Variants in GRAMD1B observed in about 807,000 individuals in gnomAD.
GRAMD1B encodes the protein protein Aster-B.
Under a neutral mutation model 99.7 loss-of-function variants are expected in GRAMD1B, and 37 were observed. That is an observed-to-expected ratio of 0.37 (90% CI 0.29 to 0.49). The LOEUF is 0.49. Ranked by LOEUF, GRAMD1B falls within the 20% of genes least tolerant of loss-of-function variation. GRAMD1B has a pLI of 0.98. For missense variants in GRAMD1B, 888 were observed against 1,009.2 expected (o/e 0.88, Z 1.63); for synonymous variants, 427 against 387.6 (o/e 1.10, Z -1.19).
intron 1 of GRAMD1B, among the ~76,000 whole-genome samples, chr11:123,417,190 T>C (rs1008212517): frequency 6.6e-6 from 1 of 152,006 alleles, no homozygotes. Context: ...CTGGCCAACA[T>C]GGTGAAACCC....
intron 1 of GRAMD1B, among the ~76,000 whole-genome samples, chr11:123,467,403 T>TTTTA (rs1950739339): frequency 7.8e-6 from 1 of 128,630 alleles, no homozygotes; most frequent in Admixed American, 8.2e-5. Flanking sequence ...CCTTTTTTTT[T>TTTTA]TTTTTTTTTT....
At chr11:123,556,540 G>A (rs1339584766) in intron 2 of GRAMD1B, among the ~76,000 whole-genome samples, 1 of 152,148 alleles carries the variant, frequency 6.6e-6, no homozygotes, top group Non-Finnish European at 1.5e-5. Context: ...ATTCATCTAG[G>A]GTGGTCTCTG....
intron 7 of GRAMD1B, chr11:123,597,823 A>G (rs1951468146): frequency 3.1e-6 from 2 of 643,332 alleles, no homozygotes; most frequent in Middle Eastern, 4.4e-4. Flanking sequence ...TACAAGTTGC[A>G]TGCTAGACCA....
intron 2 of GRAMD1B, among the ~76,000 whole-genome samples, chr11:123,523,153 G>A (rs1435092880): frequency 2.0e-5 from 3 of 152,088 alleles, no homozygotes; most frequent in African/African-American, 7.2e-5. Context: ...TCAACATGGT[G>A]AAACCCCATC....
intron 2 of GRAMD1B, among the ~76,000 whole-genome samples, chr11:123,513,331 G>C (rs1941228571): frequency 1.3e-5 from 2 of 151,984 alleles, no homozygotes; most frequent in Non-Finnish European, 2.9e-5. Context: ...TCACCTTCTG[G>C]AGTCTGGATT....
At chr11:123,450,974 C>G (rs1195417661) in intron 1 of GRAMD1B, among the ~76,000 whole-genome samples, 1 of 152,088 alleles carries the variant, frequency 6.6e-6, no homozygotes, top group Non-Finnish European at 1.5e-5. Flanking sequence ...ATTTATTAAG[C>G]TACCACAGAG....
intron 2 of GRAMD1B, among the ~76,000 whole-genome samples, chr11:123,489,268 T>C (rs1938265838): frequency 1.3e-5 from 2 of 152,162 alleles, no homozygotes; most frequent in Admixed American, 1.3e-4. Context: ...TGAGTTTAAT[T>C]TAGTCATGTA....
chr11:123,434,818 A>G (rs927327405), intron 1 of GRAMD1B, among the ~76,000 whole-genome samples: 1 of 152,232 alleles, frequency 6.6e-6, no homozygotes, highest in Non-Finnish European at 1.5e-5. Flanking sequence ...ATTTAGAGGC[A>G]ATGGAGTGCA....
At chr11:123,560,568 C>A in intron 2 of GRAMD1B, 1 of 737,278 alleles carries the variant, frequency 1.4e-6, no homozygotes, top group Non-Finnish European at 2.0e-6. Flanking sequence ...CGCTCCCCGC[C>A]CCCGCCCCCC....
intron 1 of GRAMD1B, among the ~76,000 whole-genome samples, chr11:123,391,221 A>C (rs1439074284): frequency 6.6e-6 from 1 of 152,190 alleles, no homozygotes; most frequent in Non-Finnish European, 1.5e-5. Context: ...TTTTAAAAAT[A>C]AAATTGAAAT....
chr11:123,445,756 T>A (rs1313563427), intron 1 of GRAMD1B, among the ~76,000 whole-genome samples: 3 of 147,608 alleles, frequency 2.0e-5, no homozygotes, highest in Non-Finnish European at 4.4e-5. Flanking sequence ...GAGGCAGAGG[T>A]TGCAGTGAGC....
At chr11:123,360,933 C>T (rs1038973159) in intron 1 of GRAMD1B, among the ~76,000 whole-genome samples, 1 of 152,070 alleles carries the variant, frequency 6.6e-6, no homozygotes, top group Non-Finnish European at 1.5e-5. Flanking sequence ...TCTCCTGCCT[C>T]AGCCTCCCGA....
intron 4 of GRAMD1B, among the ~76,000 whole-genome samples, chr11:123,590,138 T>C (rs965763891): frequency 1.3e-5 from 2 of 152,216 alleles, no homozygotes; most frequent in African/African-American, 4.8e-5. Flanking sequence ...ACGGTCTTTT[T>C]GGGCTTGGTC....
intron 11 of GRAMD1B, among the ~76,000 whole-genome samples, chr11:123,607,436 GT>G (rs1437831183): frequency 6.6e-6 from 1 of 152,176 alleles, no homozygotes; most frequent in Non-Finnish European, 1.5e-5. Context: ...TGAGTGAGTG[GT>G]CTGTTATGAC....
At chr11:123,594,931 T>C in intron 6 of GRAMD1B, 93 bp downstream of exon 6, 1 of 733,154 alleles carries the variant, frequency 1.4e-6, no homozygotes, top group Non-Finnish European at 2.5e-6. Context: ...TTCATGCTCT[T>C]CCCAAGCCTT....
chr11:123,612,388 G>A, intron 14 of GRAMD1B, among the ~76,000 whole-genome samples: 1 of 152,214 alleles, frequency 6.6e-6, no homozygotes, highest in East Asian at 1.9e-4. Flanking sequence ...CTTTCTTTCA[G>A]TGTCAGTTTC....
chr11:123,569,417 G>T (rs1028116589), intron 2 of GRAMD1B, among the ~76,000 whole-genome samples: 3 of 152,116 alleles, frequency 2.0e-5, no homozygotes, highest in Non-Finnish European at 4.4e-5. Context: ...GGTTCTGGTT[G>T]GGTCTGCCCT....
intron 1 of GRAMD1B, among the ~76,000 whole-genome samples, chr11:123,400,545 T>G (rs558642630): frequency 3.7e-4 from 56 of 152,260 alleles, no homozygotes; most frequent in African/African-American, 1.3e-3. Flanking sequence ...AGTCCAACAT[T>G]AAGATGTGGG....
At chr11:123,466,392 GAAAA>G (rs1198851549) in intron 1 of GRAMD1B, among the ~76,000 whole-genome samples, 37 of 139,892 alleles carry the variant, frequency 2.6e-4, no homozygotes, top group African/African-American at 9.6e-4. Context: ...GAGAAAGAAA[GAAAA>G]AGAAAGAAAG....
Sources: allele counts gnomAD v4.1 joint callset (sites outside exome capture counted in the v4.1 genomes callset), GRCh38; gene constraint gnomAD v4.1.1; transcripts MANE v1.5; gene names NCBI Gene and HGNC (gene_info 2026-07-23, HGNC 2026-07-21).